The following PTPRQ variants were observed in gnomAD, a reference collection of about 807,000 sequenced individuals.
PTPRQ encodes protein tyrosine phosphatase receptor type Q, also known as phosphatidylinositol phosphatase PTPRQ.
PTPRQ carries 199 observed loss-of-function variants against 246.0 expected under a neutral mutation model. The observed-to-expected ratio is 0.81, with a 90% CI of 0.72 to 0.91. The LOEUF is 0.91. Ranked by LOEUF, PTPRQ falls within the 40% of genes least tolerant of loss-of-function variation. The pLI is 0.00. For missense variants in PTPRQ, 2,624 were observed against 2,528.4 expected (o/e 1.04, Z -0.81); for synonymous variants, 869 against 853.2 (o/e 1.02, Z -0.32).
At chr12:80,636,107 A>G (rs560004886) in intron 35 of PTPRQ, among the ~76,000 whole-genome samples, 1 of 152,320 alleles carries the variant, frequency 6.6e-6, no homozygotes, top group Admixed American at 6.5e-5. Flanking sequence ...AATGAAGGTT[A>G]TTCAATGTTA....
At chr12:80,447,665 C>A (rs528579535) in intron 3 of PTPRQ, among the ~76,000 whole-genome samples, 50 of 150,760 alleles carry the variant, frequency 3.3e-4, no homozygotes, top group African/African-American at 1.2e-3. Flanking sequence ...ATATCCTTTC[C>A]CCATTGTTTA....
chr12:80,537,662 A>C (rs1264703893), intron 19 of PTPRQ, among the ~76,000 whole-genome samples: 1 of 152,122 alleles, frequency 6.6e-6, no homozygotes, highest in Admixed American at 6.5e-5. Flanking sequence ...TATCTTGGAG[A>C]ATTTAACCTC....
At chr12:80,496,175 A>T in intron 13 of PTPRQ, 69 bp downstream of exon 13, 1 of 1,543,336 alleles carries the variant, frequency 6.5e-7, no homozygotes, top group Non-Finnish European at 8.7e-7. Flanking sequence ...CCTTCACTTC[A>T]TGCTACCTCT....
At position 80,496,250 on chromosome 12, in the gene PTPRQ, A is replaced by G. The variant is rs894608058; in HGVS notation, c.1991A>G (p.Glu664Gly). 2.8e-5 allele frequency: 44 copies of G among 1,549,832 alleles called. No homozygotes were observed. The Middle Eastern group carries it at 1.0e-3, about 35-fold the overall frequency. ...NDIFVRTSEDEPESSPQDVEV... is the reference protein window; with the variant it reads ...NDIFVRTSEDGPESSPQDVEV... ...TACAAATGTTCTTTTCTTCCCCTAGAACCGGAATCATCACCTCAAGATGTC... is the reference window on the plus strand; with the variant it reads ...TACAAATGTTCTTTTCTTCCCCTAGGACCGGAATCATCACCTCAAGATGTC... Residue 664 changes from glutamate to glycine, a missense_variant and splice_region_variant, in exon 14 of 45, where the codon GAA becomes GGA. By Grantham distance (98) the Glu-to-Gly change is moderately conservative. Transcript: ENST00000644991.
intron 34 of PTPRQ, 143 bp downstream of exon 34, chr12:80,632,434 T>G: frequency 8.2e-7 from 1 of 1,226,420 alleles, no homozygotes; most frequent in Non-Finnish European, 1.1e-6. Flanking sequence ...GTATTTATCA[T>G]GTACAATATG....
At chr12:80,651,615 A>G (rs963202496) in intron 37 of PTPRQ, among the ~76,000 whole-genome samples, 1 of 152,136 alleles carries the variant, frequency 6.6e-6, no homozygotes, top group African/African-American at 2.4e-5. Context: ...ATTACCATCT[A>G]AACAATCAAC....
At chr12:80,489,235 C>A (rs1477159648) in intron 9 of PTPRQ, among the ~76,000 whole-genome samples, 1 of 152,020 alleles carries the variant, frequency 6.6e-6, no homozygotes, top group Non-Finnish European at 1.5e-5. Context: ...CCTCTCTAGA[C>A]CAACACAGTA....
intron 43 of PTPRQ, among the ~76,000 whole-genome samples, chr12:80,676,361 C>G (rs1018205153): frequency 1.3e-5 from 2 of 152,086 alleles, no homozygotes; most frequent in African/African-American, 4.8e-5. Context: ...ATGCACTGGG[C>G]ACTGGGTGCG....
chr12:80,507,628 T>C (rs771321596), intron 16 of PTPRQ, among the ~76,000 whole-genome samples: 3 of 151,942 alleles, frequency 2.0e-5, no homozygotes, highest in African/African-American at 2.4e-5. Context: ...TTTTAACCTC[T>C]ACCAAAGCAT....
chr12:80,578,113 A>G (rs866585087), intron 25 of PTPRQ, among the ~76,000 whole-genome samples: 1 of 151,482 alleles, frequency 6.6e-6, no homozygotes, highest in African/African-American at 2.4e-5. Flanking sequence ...GTACATGTGC[A>G]CAACGTGCAG....
At chr12:80,547,313 T>G (rs147326215) in intron 24 of PTPRQ, among the ~76,000 whole-genome samples, 9 of 152,294 alleles carry the variant, frequency 5.9e-5, no homozygotes, top group African/African-American at 2.2e-4. Context: ...GGCTTAGAAA[T>G]GTACTTTTCC....
intron 3 of PTPRQ, among the ~76,000 whole-genome samples, chr12:80,452,735 G>C (rs150637357): frequency 2.9e-3 from 446 of 152,316 alleles, no homozygotes; most frequent in African/African-American, 0.01. Flanking sequence ...TGAGAGATCC[G>C]CTGTTAGTCT....
chr12:80,591,494 G>C (rs11829611), intron 26 of PTPRQ, among the ~76,000 whole-genome samples: 3,409 of 152,156 alleles, frequency 0.022, 133 homozygotes, highest in South Asian at 0.066. Flanking sequence ...CCCTGAATGA[G>C]AGAAATTTGA....
intron 29 of PTPRQ, among the ~76,000 whole-genome samples, chr12:80,614,550 T>G (rs1898677664): frequency 6.6e-6 from 1 of 151,088 alleles, no homozygotes; most frequent in South Asian, 2.1e-4. Context: ...TTTGTATATG[T>G]ATATGTGTAT....
At chr12:80,633,322 A>G (rs949119574) in intron 34 of PTPRQ, among the ~76,000 whole-genome samples, 1 of 152,216 alleles carries the variant, frequency 6.6e-6, no homozygotes, top group Admixed American at 6.5e-5. Flanking sequence ...TAAAATATCC[A>G]GCTTCCTTAT....
chr12:80,534,766 A>G, intron 18 of PTPRQ, 126 bp from the exon 19 acceptor site: 1 of 1,198,886 alleles, frequency 8.3e-7, no homozygotes, highest in Non-Finnish European at 1.1e-6. Context: ...TGACATTTCT[A>G]ATTCAAGCTT....
At chr12:80,513,191 C>G (rs937800207) in intron 17 of PTPRQ, among the ~76,000 whole-genome samples, 3 of 152,086 alleles carry the variant, frequency 2.0e-5, no homozygotes, top group Non-Finnish European at 4.4e-5. Flanking sequence ...AGTACCAGAA[C>G]TGGATCACAC....
intron 43 of PTPRQ, among the ~76,000 whole-genome samples, chr12:80,678,201 G>T (rs1901206770): frequency 6.6e-6 from 1 of 151,664 alleles, no homozygotes; most frequent in Non-Finnish European, 1.5e-5. Context: ...CTGACTCACA[G>T]ATTTCAAAAG....
intron 42 of PTPRQ, 72 bp from the exon 43 acceptor site, chr12:80,673,097 C>T: frequency 6.6e-7 from 1 of 1,522,410 alleles, no homozygotes; most frequent in South Asian, 1.3e-5. Flanking sequence ...TATCATAGCT[C>T]ATTATCTTTA....
Sources: gnomAD v4.1 joint callset for allele counts (sites outside exome capture counted in the v4.1 genomes callset) on GRCh38, gnomAD v4.1.1 for gene constraint, MANE v1.5 for transcripts, NCBI Gene and HGNC (gene_info 2026-07-23, HGNC 2026-07-21) for gene names.